The following RAB30 variants were observed in gnomAD, a reference collection of about 807,000 sequenced individuals.
The protein encoded by RAB30 is RAB30, member RAS oncogene family.
A neutral mutation model predicts 25.1 loss-of-function variants in RAB30; 9 were observed. The ratio of observed to expected loss-of-function variants is 0.36; its 90% CI spans 0.22 to 0.63. The LOEUF (loss-of-function observed/expected upper bound fraction) is 0.63, where lower values mean the gene tolerates loss of function less well. RAB30 is among the 20% of genes least tolerant of loss of function. The pLI is 0.69. For synonymous variants in RAB30, 77 were observed against 86.4 expected (o/e 0.89, Z 0.60); for missense variants, 140 against 243.5 (o/e 0.58, Z 2.83).
rs956953555 is a variant in RAB30, at chr11:82,977,675, TCCTAA to T, written c.*4485_*4489del. The T allele has an allele frequency of 6.6e-6, 1 of 152,168 alleles. No homozygotes were observed. The highest frequency in any genetic ancestry group is 1.5e-5 in the Non-Finnish European group (1 of 68,032). 9.4% of individuals were successfully genotyped at this position (152,168 alleles called of 1,614,324 possible). ...TGCACTAATTGTATTCCCCTCTTTT[TCCTAA>T]CCTAAGTCTCCCCAAATCCTTCAAG... is the stretch of plus-strand genomic sequence containing the variant. On this transcript the variant is annotated 3_prime_UTR_variant, in exon 5 of 5. Transcript: ENST00000527633.
intron 1 of RAB30, among the ~76,000 whole-genome samples, chr11:83,003,004 T>A (rs1408524879): frequency 1.3e-5 from 2 of 152,180 alleles, no homozygotes; most frequent in Non-Finnish European, 2.9e-5. Context: ...GCAGGTCCTT[T>A]GGGCCTTGAC....
At chr11:83,056,356 T>C (rs1221540893) in intron 1 of RAB30, among the ~76,000 whole-genome samples, 4 of 152,236 alleles carry the variant, frequency 2.6e-5, no homozygotes, top group African/African-American at 9.6e-5. Flanking sequence ...GTGTCACAAC[T>C]TCCTTCCTTT....
chr11:83,010,358 GGAA>G (rs1318940587), intron 1 of RAB30, among the ~76,000 whole-genome samples: 1 of 152,100 alleles, frequency 6.6e-6, no homozygotes, highest in Non-Finnish European at 1.5e-5. Context: ...GGCTGATGTG[GGAA>G]GATCTCTTGA....
At chr11:83,052,363 C>G (rs977882664) in intron 1 of RAB30, among the ~76,000 whole-genome samples, 6 of 152,330 alleles carry the variant, frequency 3.9e-5, no homozygotes, top group Non-Finnish European at 7.3e-5. Flanking sequence ...GACTTAAGCT[C>G]TGATCTCCTG....
At chr11:83,049,440 T>C in intron 1 of RAB30, among the ~76,000 whole-genome samples, 1 of 134,190 alleles carries the variant, frequency 7.5e-6, no homozygotes, top group Non-Finnish European at 1.6e-5. Flanking sequence ...AACATTTGCC[T>C]GGTTTTTCTG....
intron 1 of RAB30, among the ~76,000 whole-genome samples, chr11:83,066,637 GC>G (rs1277809538): frequency 6.6e-6 from 1 of 152,142 alleles, no homozygotes; most frequent in African/African-American, 2.4e-5. Flanking sequence ...AGCAGCTTCC[GC>G]CTCCTGGGTT....
At chr11:83,052,832 A>G (rs1194170589) in intron 1 of RAB30, among the ~76,000 whole-genome samples, 1 of 152,226 alleles carries the variant, frequency 6.6e-6, no homozygotes, top group African/African-American at 2.4e-5. Flanking sequence ...GCTGACCTCA[A>G]TCAGCATTCT....
At chr11:83,029,623 A>G (rs748824984) in intron 1 of RAB30, among the ~76,000 whole-genome samples, 2 of 152,130 alleles carry the variant, frequency 1.3e-5, no homozygotes, top group Non-Finnish European at 2.9e-5. Context: ...TATGTACCTC[A>G]GAACTCATCT....
chr11:83,061,290 CT>C (rs2121520625), intron 1 of RAB30, among the ~76,000 whole-genome samples: 1 of 152,254 alleles, frequency 6.6e-6, no homozygotes, highest in South Asian at 2.1e-4. Context: ...CCTATTGGTT[CT>C]GTCTCTGGAG....
chr11:83,004,912 AT>A (rs1212543565), intron 1 of RAB30, among the ~76,000 whole-genome samples: 2 of 152,128 alleles, frequency 1.3e-5, no homozygotes. Context: ...TTATTGCTTA[AT>A]TACTAGGAGG....
At chr11:83,012,076 C>T (rs1234679662) in intron 1 of RAB30, among the ~76,000 whole-genome samples, 1 of 151,994 alleles carries the variant, frequency 6.6e-6, no homozygotes, top group Non-Finnish European at 1.5e-5. Flanking sequence ...CAAAAGAGTC[C>T]CTCAACACAA....
At position 83,031,251 on chromosome 11, in the gene RAB30, A is replaced by G. The variant is rs184083442; in HGVS notation, c.-8-33927T>C. On this transcript the variant is annotated intron_variant, in intron 1 of 4. Coordinates refer to ENST00000527633, the MANE Select transcript of RAB30 (RefSeq NM_001286060.2). ...AGCAAACTAACACATAGACTATCCG[A>G]ATAAAAACAAGGTTCACACATGACA... Among the ~76,000 whole-genome samples the G allele has an allele frequency of 2.0e-5, 3 of 152,370 alleles. No homozygotes were observed. The East Asian group carries it at 5.8e-4, about 29-fold the overall frequency.
intron 1 of RAB30, among the ~76,000 whole-genome samples, chr11:83,056,424 C>A (rs11233442): frequency 0.052 from 7,896 of 152,216 alleles, 294 homozygotes; most frequent in East Asian, 0.1. Flanking sequence ...ATCCATTCAA[C>A]CATCAATGGG....
chr11:83,042,422 C>T (rs771786467), intron 1 of RAB30, among the ~76,000 whole-genome samples: 4 of 151,710 alleles, frequency 2.6e-5, no homozygotes, highest in South Asian at 2.1e-4. Flanking sequence ...CTGGGTGTGG[C>T]GGCACACACC....
intron 1 of RAB30, among the ~76,000 whole-genome samples, chr11:83,025,411 C>T (rs1423143376): frequency 1.3e-5 from 2 of 152,230 alleles, no homozygotes; most frequent in East Asian, 3.8e-4. Flanking sequence ...GTGTAAAAAA[C>T]ACCAGACTTG....
intron 1 of RAB30, among the ~76,000 whole-genome samples, chr11:83,012,909 A>T (rs1235010909): frequency 6.6e-6 from 1 of 152,080 alleles, no homozygotes; most frequent in Non-Finnish European, 1.5e-5. Flanking sequence ...AGACAGGTTC[A>T]TCCCTTCACA....
chr11:82,996,115 G>T (rs540719757), intron 2 of RAB30, among the ~76,000 whole-genome samples: 17 of 152,320 alleles, frequency 1.1e-4, no homozygotes, highest in African/African-American at 4.1e-4. Flanking sequence ...GATTTCACCA[G>T]GCCACGGCTT....
chr11:83,008,678 G>A (rs897723779), intron 1 of RAB30, among the ~76,000 whole-genome samples: 4 of 151,922 alleles, frequency 2.6e-5, no homozygotes, highest in African/African-American at 4.8e-5. Context: ...AGGGATGGAC[G>A]CACACACATG....
chr11:83,040,540 G>A (rs994191157), intron 1 of RAB30, among the ~76,000 whole-genome samples: 16 of 150,500 alleles, frequency 1.1e-4, no homozygotes, highest in Admixed American at 6.0e-4. Flanking sequence ...GCAGTGAGCC[G>A]AGAGTGTGCC....
Sources: allele counts gnomAD v4.1 joint callset (sites outside exome capture counted in the v4.1 genomes callset), GRCh38; gene constraint gnomAD v4.1.1; transcripts MANE v1.5; gene names NCBI Gene and HGNC (gene_info 2026-07-23, HGNC 2026-07-21).